ATG10: variants seen among roughly 807,000 people sequenced by gnomAD.
ATG10 encodes ubiquitin-like-conjugating enzyme ATG10.
Under a neutral mutation model 32.1 loss-of-function variants are expected in ATG10, and 30 were observed. The observed-to-expected ratio is 0.94, with a 90% CI of 0.70 to 1.27. ATG10 has a LOEUF of 1.27. ATG10 is among the 50% of genes most tolerant of loss of function. The pLI is 0.00. For missense variants in ATG10, 233 were observed against 262.3 expected (o/e 0.89, Z 0.77); for synonymous variants, 87 against 91.5 (o/e 0.95, Z 0.28).
chr5:82,063,341 C>A (rs560085531), intron 3 of ATG10, among the ~76,000 whole-genome samples: 7 of 151,928 alleles, frequency 4.6e-5, no homozygotes, highest in Admixed American at 2.6e-4. Context: ...AACAAAAAAA[C>A]CAAAAACAAA....
chr5:82,052,884 C>A (rs1178937551), intron 2 of ATG10, among the ~76,000 whole-genome samples: 5 of 152,138 alleles, frequency 3.3e-5, no homozygotes, highest in Non-Finnish European at 7.3e-5. Flanking sequence ...CCAATCTTCA[C>A]TGATGGAAAT....
chr5:82,142,002 A>G (rs1223163562), intron 3 of ATG10, among the ~76,000 whole-genome samples: 1 of 152,244 alleles, frequency 6.6e-6, no homozygotes, highest in African/African-American at 2.4e-5. Context: ...TTTTCATTTT[A>G]ATGCCTTGAC....
intron 3 of ATG10, among the ~76,000 whole-genome samples, chr5:82,156,455 T>A (rs1183620120): frequency 6.6e-6 from 1 of 152,088 alleles, no homozygotes; most frequent in African/African-American, 2.4e-5. Context: ...AATCTGATGG[T>A]CTTTGCAGGC....
chr5:82,227,391 T>G (rs1051242539), intron 5 of ATG10, among the ~76,000 whole-genome samples: 1 of 152,000 alleles, frequency 6.6e-6, no homozygotes, highest in Non-Finnish European at 1.5e-5. Context: ...ATTATTATTT[T>G]TTTGAGATAG....
chr5:81,997,638 C>G (rs1761709013), intron 2 of ATG10, among the ~76,000 whole-genome samples: 1 of 151,978 alleles, frequency 6.6e-6, no homozygotes, highest in Non-Finnish European at 1.5e-5. Context: ...CTTAGAAACA[C>G]AATAAAATAA....
chr5:82,252,757 A>C (rs984642638), intron 6 of ATG10, 98 bp downstream of exon 6: 3 of 679,836 alleles, frequency 4.4e-6, no homozygotes, highest in African/African-American at 3.7e-5. Context: ...AAGAAATATT[A>C]ATAATAATAA....
intron 3 of ATG10, among the ~76,000 whole-genome samples, chr5:82,109,602 T>A (rs1462782012): frequency 6.6e-6 from 1 of 151,722 alleles, no homozygotes; most frequent in Non-Finnish European, 1.5e-5. Context: ...AAAATCACTA[T>A]TTTTTATAAT....
intron 5 of ATG10, among the ~76,000 whole-genome samples, chr5:82,188,481 T>C (rs952586749): frequency 5.9e-5 from 9 of 151,888 alleles, no homozygotes; most frequent in Non-Finnish European, 1.5e-5. Flanking sequence ...TTAATTTTAA[T>C]ATTATTCATC....
chr5:82,034,970 G>T (rs865851201), intron 2 of ATG10, among the ~76,000 whole-genome samples: 2 of 152,052 alleles, frequency 1.3e-5, no homozygotes, highest in Non-Finnish European at 2.9e-5. Flanking sequence ...TTAGGCTGGA[G>T]TGCAATGGTG....
rs1164462860 is a variant in ATG10, at chr5:82,048,991, G to A, written c.109-9504G>A. On this transcript the variant is annotated intron_variant, in intron 2 of 7. Coordinates refer to ENST00000282185, the MANE Select transcript of ATG10 (RefSeq NM_031482.5). ...CAACCATTGTGGAAGTCAGTGTGGC[G>A]ATTCCTCAGGGATCTAGAACTAGAA... 1.0e-4 allele frequency among the ~76,000 whole-genome samples: 15 copies of A among 150,230 alleles called. No homozygotes were observed. In the East Asian group the frequency reaches 1.4e-3, roughly 14 times the overall value.
At chr5:82,105,450 CTT>C (rs1191186730) in intron 3 of ATG10, among the ~76,000 whole-genome samples, 5 of 152,088 alleles carry the variant, frequency 3.3e-5, no homozygotes, top group African/African-American at 1.2e-4. Context: ...GCTGTTAAAT[CTT>C]TTGGGATGTA....
chr5:82,198,728 G>A (rs149053372), intron 5 of ATG10, among the ~76,000 whole-genome samples: 83 of 152,284 alleles, frequency 5.5e-4, no homozygotes, highest in African/African-American at 1.9e-3. Flanking sequence ...AGAAATTCCC[G>A]AAAGGGAACA....
intron 4 of ATG10, among the ~76,000 whole-genome samples, chr5:82,173,033 T>A (rs1031857008): frequency 6.6e-6 from 1 of 152,230 alleles, no homozygotes; most frequent in African/African-American, 2.4e-5. Flanking sequence ...GACAATATAT[T>A]GAATAATGAC....
At chr5:82,252,283 G>T (rs1747283180) in intron 5 of ATG10, among the ~76,000 whole-genome samples, 1 of 152,140 alleles carries the variant, frequency 6.6e-6, no homozygotes, top group Admixed American at 6.5e-5. Flanking sequence ...AACAGAGAGG[G>T]AACTGATAAA....
chr5:82,032,498 C>T (rs1016409034), intron 2 of ATG10, among the ~76,000 whole-genome samples: 1 of 151,912 alleles, frequency 6.6e-6, no homozygotes, highest in Non-Finnish European at 1.5e-5. Flanking sequence ...TCTTTTTCCT[C>T]TCTCAATTAA....
intron 3 of ATG10, among the ~76,000 whole-genome samples, chr5:82,125,916 G>A (rs1561311552): frequency 6.6e-6 from 1 of 152,104 alleles, no homozygotes; most frequent in African/African-American, 2.4e-5. Flanking sequence ...AGCATGGAAT[G>A]TTTTTTTCTA....
intron 2 of ATG10, among the ~76,000 whole-genome samples, chr5:82,009,176 G>A (rs1762061743): frequency 6.6e-6 from 1 of 152,156 alleles, no homozygotes; most frequent in Non-Finnish European, 1.5e-5. Context: ...GAACAGTGTA[G>A]TGGACACTGC....
chr5:82,011,330 C>T (rs1315583980), intron 2 of ATG10, among the ~76,000 whole-genome samples: 1 of 152,172 alleles, frequency 6.6e-6, no homozygotes, highest in African/African-American at 2.4e-5. Context: ...AAAAATCTCT[C>T]AAGTTGGCTT....
chr5:82,110,492 C>G (rs1361323205), intron 3 of ATG10, among the ~76,000 whole-genome samples: 1 of 152,144 alleles, frequency 6.6e-6, no homozygotes, highest in Non-Finnish European at 1.5e-5. Context: ...GATCGCCATT[C>G]TAACTGGTGT....
Sources: gnomAD v4.1 joint callset for allele counts (sites outside exome capture counted in the v4.1 genomes callset) on GRCh38, gnomAD v4.1.1 for gene constraint, MANE v1.5 for transcripts, NCBI Gene and HGNC (gene_info 2026-07-23, HGNC 2026-07-21) for gene names.